Variants in ADAMTS19 observed in about 807,000 individuals in gnomAD.
ADAMTS19 encodes ADAM metallopeptidase with thrombospondin type 1 motif 19, also known as A disintegrin and metalloproteinase with thrombospondin motifs 19.
Under a neutral mutation model 153.3 loss-of-function variants are expected in ADAMTS19, and 93 were observed. The ratio of observed to expected loss-of-function variants is 0.61; its 90% CI spans 0.51 to 0.72. The LOEUF (loss-of-function observed/expected upper bound fraction) is 0.72, where lower values mean the gene tolerates loss of function less well. ADAMTS19 is among the 30% of genes least tolerant of loss of function. The pLI is 0.00. For synonymous variants in ADAMTS19, 600 were observed against 556.6 expected, an observed-to-expected ratio of 1.08 and a Z score of -1.10; for missense variants, 1,482 against 1,552.1, an observed-to-expected ratio of 0.95 and a Z score of 0.76.
At chr5:129,568,476 A>C (rs1753789717) in intron 7 of ADAMTS19, among the ~76,000 whole-genome samples, 1 of 152,074 alleles carries the variant, frequency 6.6e-6, no homozygotes. Context: ...GTAATGTAAA[A>C]CCTATGGGAA....
intron 8 of ADAMTS19, among the ~76,000 whole-genome samples, chr5:129,615,059 A>G (rs1054324700): frequency 1.7e-5 from 2 of 120,568 alleles, no homozygotes; most frequent in African/African-American, 5.3e-5. Context: ...ATGGAAGAAC[A>G]TTCCATGCTC....
In ADAMTS19 at chr5:129,658,066, C is replaced by G. The variant is rs146160699; in HGVS notation, c.2305-551C>G. On this transcript the variant is annotated intron_variant, in intron 14 of 22. Transcript: ENST00000274487. ...TTGGGAGGCCAAGGCAGGCAGATTA[C>G]TTGAGCTCAGGAGTTCGAGACCAGC... Among the ~76,000 whole-genome samples the G allele has an allele frequency of 6.2e-3, 943 of 152,212 alleles. 10 individuals are homozygous for G. The highest frequency in any genetic ancestry group is 0.02 in the African/African-American group (837 of 41,510).
chr5:129,629,212 T>A (rs1352176254), intron 10 of ADAMTS19, among the ~76,000 whole-genome samples: 2 of 152,150 alleles, frequency 1.3e-5, no homozygotes, highest in Non-Finnish European at 2.9e-5. Flanking sequence ...GTACTGATTC[T>A]AAATTTTTCA....
chr5:129,483,932 T>A (rs938961963), intron 2 of ADAMTS19, among the ~76,000 whole-genome samples: 4 of 152,182 alleles, frequency 2.6e-5, no homozygotes, highest in Non-Finnish European at 5.9e-5. Context: ...GCTTGCGTTA[T>A]TAAAAGTTTT....
At chr5:129,598,113 G>A (rs995288826) in intron 8 of ADAMTS19, among the ~76,000 whole-genome samples, 7 of 152,100 alleles carry the variant, frequency 4.6e-5, no homozygotes, top group African/African-American at 1.4e-4. Context: ...TTGGCCTTCA[G>A]TGTTTAAAAA....
At chr5:129,579,680 T>C (rs1450433400) in intron 7 of ADAMTS19, among the ~76,000 whole-genome samples, 1 of 152,208 alleles carries the variant, frequency 6.6e-6, no homozygotes, top group Non-Finnish European at 1.5e-5. Flanking sequence ...CAACACCGTT[T>C]ATTAAATAGG....
chr5:129,706,802 G>A (rs958200433), intron 21 of ADAMTS19, among the ~76,000 whole-genome samples: 2 of 152,256 alleles, frequency 1.3e-5, no homozygotes, highest in Non-Finnish European at 2.9e-5. Flanking sequence ...TGGCCTCTGG[G>A]TTAAATCTTA....
intron 7 of ADAMTS19, among the ~76,000 whole-genome samples, chr5:129,591,829 A>G (rs761390218): frequency 6.6e-6 from 1 of 152,116 alleles, no homozygotes; most frequent in Non-Finnish European, 1.5e-5. Flanking sequence ...TGGAGCCCAG[A>G]GACTTAACTT....
chr5:129,685,268 G>A (rs998640435), intron 18 of ADAMTS19, among the ~76,000 whole-genome samples: 1 of 151,984 alleles, frequency 6.6e-6, no homozygotes, highest in African/African-American at 2.4e-5. Context: ...AAGAGAGAGA[G>A]AAGCTATTAG....
Position 129,461,664 on chromosome 5 carries a change from T to C in ADAMTS19, c.654T>C (p.Pro218=). The C allele has an allele frequency of 1.3e-6, 2 of 1,583,904 alleles. No homozygotes were observed. The highest frequency in any genetic ancestry group is 2.4e-5 in the East Asian group (1 of 41,916). The change falls in exon 2 of 23, where the codon CCT becomes CCC. Residue 218 remains proline, a synonymous_variant. Coordinates refer to ENST00000274487, the MANE Select transcript of ADAMTS19 (RefSeq NM_133638.6). This position sits in a 1 kb window ranked among gnomAD's most constrained non-coding sequence, Gnocchi z 4.6. The stretch of plus-strand genomic sequence containing the variant: ...CGGGGGCAGCATCCGCCCCGCAACC[T>C]CCCGCGCCACCAGACGCAGGCTGCT... ...GPTGAASAPQ[P]PAPPDAGCFY... is the part of the protein sequence containing the mutation.
chr5:129,667,062 C>T (rs75194227), intron 16 of ADAMTS19, among the ~76,000 whole-genome samples: 2 of 152,148 alleles, frequency 1.3e-5, no homozygotes, highest in Non-Finnish European at 2.9e-5. Flanking sequence ...TTCCTGTCTC[C>T]CTCTACAGTA....
intron 8 of ADAMTS19, among the ~76,000 whole-genome samples, chr5:129,609,611 G>A (rs1751099295): frequency 6.6e-6 from 1 of 152,038 alleles, no homozygotes; most frequent in Non-Finnish European, 1.5e-5. Flanking sequence ...ATTTTATTTA[G>A]ACAACGATAC....
intron 3 of ADAMTS19, among the ~76,000 whole-genome samples, chr5:129,515,889 T>C (rs559599054): frequency 9.8e-4 from 149 of 152,072 alleles, no homozygotes; most frequent in Admixed American, 2.5e-3. Flanking sequence ...AGTCTTTCTG[T>C]TTTTCCCCTT....
At chr5:129,678,142 AC>A (rs1754633351) in intron 16 of ADAMTS19, among the ~76,000 whole-genome samples, 1 of 152,080 alleles carries the variant, frequency 6.6e-6, no homozygotes, top group African/African-American at 2.4e-5. Flanking sequence ...AAACTCAAAT[AC>A]TAACAAGGCC....
intron 3 of ADAMTS19, among the ~76,000 whole-genome samples, chr5:129,522,402 G>A (rs1751856772): frequency 7.4e-6 from 1 of 134,600 alleles, no homozygotes; most frequent in African/African-American, 2.8e-5. Context: ...TGCTGGTACT[G>A]AATCTGGATC....
intron 21 of ADAMTS19, among the ~76,000 whole-genome samples, chr5:129,730,051 A>G (rs2127217377): frequency 6.6e-6 from 1 of 152,226 alleles, no homozygotes; most frequent in Non-Finnish European, 1.5e-5. Flanking sequence ...ATTTTGTTCT[A>G]TGTAATATTA....
At chr5:129,611,581 C>G (rs1377268747) in intron 8 of ADAMTS19, among the ~76,000 whole-genome samples, 3 of 152,038 alleles carry the variant, frequency 2.0e-5, no homozygotes, top group Non-Finnish European at 4.4e-5. Flanking sequence ...TCAGATTTGT[C>G]AAAGATCAGA....
At chr5:129,647,687 T>G (rs1753128356) in intron 11 of ADAMTS19, 78 bp from the exon 12 acceptor site, 2 of 1,515,666 alleles carry the variant, frequency 1.3e-6, no homozygotes, top group Admixed American at 3.5e-5. Flanking sequence ...TAATTGCAAT[T>G]CCAGTGACAT....
intron 3 of ADAMTS19, among the ~76,000 whole-genome samples, chr5:129,522,625 T>C (rs1751863836): frequency 6.6e-6 from 1 of 151,812 alleles, no homozygotes; most frequent in Non-Finnish European, 1.5e-5. Context: ...CTAGAAAAAA[T>C]GAGAAACAGT....
Sources: gnomAD v4.1 joint callset for allele counts (sites outside exome capture counted in the v4.1 genomes callset) on GRCh38, gnomAD v4.1.1 for gene constraint, Gnocchi (gnomAD v3.1) non-coding constraint, MANE v1.5 for transcripts, NCBI Gene and HGNC (gene_info 2026-07-23, HGNC 2026-07-21) for gene names.